The following ARHGAP19 variants were observed in gnomAD, a reference collection of about 807,000 sequenced individuals.
ARHGAP19 encodes the protein rho GTPase-activating protein 19.
In ARHGAP19, 48 loss-of-function variants were observed where a neutral mutation model predicts 60.9. That is an observed-to-expected ratio of 0.79 (90% CI 0.62 to 1.00). The LOEUF is 1.00. Ranked by LOEUF, ARHGAP19 falls within the 50% of genes least tolerant of loss-of-function variation. The probability of loss-of-function intolerance (pLI) is 0.00; values close to 1 mark genes in which losing one functional copy is unlikely to be tolerated. For synonymous variants in ARHGAP19, 209 were observed against 215.5 expected, an observed-to-expected ratio of 0.97 and a Z score of 0.27; for missense variants, 562 against 597.2, an observed-to-expected ratio of 0.94 and a Z score of 0.61.
At chr10:97,263,198 C>T (rs1484782982) in intron 4 of ARHGAP19, among the ~76,000 whole-genome samples, 1 of 152,156 alleles carries the variant, frequency 6.6e-6, no homozygotes, top group East Asian at 1.9e-4. Flanking sequence ...CTACCAGCTC[C>T]TTATCTCAAT....
At chr10:97,283,564 A>AT in intron 1 of ARHGAP19, among the ~76,000 whole-genome samples, 1 of 152,120 alleles carries the variant, frequency 6.6e-6, no homozygotes, top group East Asian at 1.9e-4. Flanking sequence ...AAAAAAAAAA[A>AT]AAATTGTATT....
intron 9 of ARHGAP19, among the ~76,000 whole-genome samples, chr10:97,231,349 T>C (rs1468955618): frequency 6.6e-6 from 1 of 152,120 alleles, no homozygotes; most frequent in Non-Finnish European, 1.5e-5. Flanking sequence ...AAGTATACAG[T>C]TCAATGGTAT....
At chr10:97,272,726 C>A (rs1842975689) in intron 1 of ARHGAP19, among the ~76,000 whole-genome samples, 1 of 151,924 alleles carries the variant, frequency 6.6e-6, no homozygotes. Context: ...TCTCTACGTT[C>A]CATAGTAATG....
At chr10:97,253,281 G>A (rs1842712154) in intron 6 of ARHGAP19, among the ~76,000 whole-genome samples, 1 of 151,932 alleles carries the variant, frequency 6.6e-6, no homozygotes, top group South Asian at 2.1e-4. Flanking sequence ...GAGAGGCTGA[G>A]GCAGGAGAAT....
At chr10:97,279,194 G>A (rs1221559006) in intron 1 of ARHGAP19, among the ~76,000 whole-genome samples, 2 of 152,262 alleles carry the variant, frequency 1.3e-5, no homozygotes, top group Admixed American at 1.3e-4. Context: ...AAAAAGAGAA[G>A]AGAAAACTAA....
chr10:97,278,970 T>C (rs771049376), intron 1 of ARHGAP19, among the ~76,000 whole-genome samples: 11 of 152,248 alleles, frequency 7.2e-5, no homozygotes, highest in Non-Finnish European at 1.6e-4. Context: ...ATATGAGCTA[T>C]ATTTAAAGTT....
intron 9 of ARHGAP19, among the ~76,000 whole-genome samples, chr10:97,234,085 G>A (rs1016183995): frequency 2.6e-5 from 4 of 151,992 alleles, no homozygotes; most frequent in East Asian, 1.9e-4. Flanking sequence ...TGGCCGACAT[G>A]GTGAAACCCC....
chr10:97,267,804 C>T (rs187314119), intron 1 of ARHGAP19, among the ~76,000 whole-genome samples: 35 of 152,314 alleles, frequency 2.3e-4, no homozygotes, highest in East Asian at 5.8e-4. Context: ...CCAGGGACTG[C>T]GCAAAGCAGC....
At position 97,288,010 on chromosome 10, in the gene ARHGAP19, C is replaced by T. The variant is rs182684536; in HGVS notation, c.56+4562G>A. On this transcript the variant is annotated intron_variant, in intron 1 of 11. Coordinates refer to ENST00000358531, the MANE Select transcript of ARHGAP19 (RefSeq NM_032900.6). ...CCAGGAGGTGGAGGTTGCGGTGAGC[C>T]AAGATCGTGCCATTGCATTCCAGCC... 3.7e-3 allele frequency among the ~76,000 whole-genome samples: 561 copies of T among 152,100 alleles called. 4 individuals are homozygous for T. The highest frequency in any genetic ancestry group is 0.013 in the African/African-American group (525 of 41,486).
chr10:97,230,303 G>A (rs1850983959), intron 9 of ARHGAP19, among the ~76,000 whole-genome samples: 1 of 152,132 alleles, frequency 6.6e-6, no homozygotes, highest in African/African-American at 2.4e-5. Flanking sequence ...GGGATACTTA[G>A]GCTGGCTCTT....
chr10:97,247,959 G>C (rs1272541891), intron 6 of ARHGAP19, among the ~76,000 whole-genome samples: 1 of 130,368 alleles, frequency 7.7e-6, no homozygotes, highest in African/African-American at 2.7e-5. Context: ...TTTTAATGTG[G>C]TTTTGACTTT....
chr10:97,288,591 GA>G (rs1843186071), intron 1 of ARHGAP19, among the ~76,000 whole-genome samples: 1 of 143,804 alleles, frequency 7.0e-6, no homozygotes, highest in Admixed American at 7.0e-5. Context: ...AAAAAAAAAA[GA>G]AAAAAAGAAC....
chr10:97,270,669 C>T, intron 1 of ARHGAP19: 8 of 1,546,200 alleles, frequency 5.2e-6, no homozygotes, highest in Non-Finnish European at 7.0e-6. Flanking sequence ...AAGCTTTCCC[C>T]TTGTTTGTTG....
At chr10:97,230,438 G>A (rs981599017) in intron 9 of ARHGAP19, among the ~76,000 whole-genome samples, 9 of 152,144 alleles carry the variant, frequency 5.9e-5, no homozygotes, top group Non-Finnish European at 1.2e-4. Flanking sequence ...TCACATGACT[G>A]TACTGACATT....
intron 1 of ARHGAP19, among the ~76,000 whole-genome samples, chr10:97,268,379 TCTGC>T (rs1234741039): frequency 7.9e-5 from 12 of 152,340 alleles, no homozygotes; most frequent in African/African-American, 2.6e-4. Flanking sequence ...TGTTCCAACC[TCTGC>T]CTGTTACTCA....
At position 97,236,479 on chromosome 10, in the gene ARHGAP19, G is replaced by T. The variant is rs1258709024; in HGVS notation, c.1186-1164C>A. Among the ~76,000 whole-genome samples the T allele has an allele frequency of 3.9e-5, 6 of 152,108 alleles. No individual in the cohort carries two copies. In the East Asian group the frequency reaches 7.7e-4, roughly 20 times the overall value. ...TAAGTATCCCTCCTGAATAAACTGG[G>T]ACAAGTAAAAAATGCATCTTTCCTG... On this transcript the variant is annotated intron_variant, in intron 8 of 11. Coordinates refer to ENST00000358531, the MANE Select transcript of ARHGAP19 (RefSeq NM_032900.6).
At chr10:97,292,382 G>C (rs1022676063) in intron 1 of ARHGAP19, among the ~76,000 whole-genome samples, 190 bp downstream of exon 1, 6 of 152,236 alleles carry the variant, frequency 3.9e-5, no homozygotes, top group African/African-American at 1.4e-4. Flanking sequence ...GGACCGAGCG[G>C]GGGGTTTGGC....
At chr10:97,254,611 T>G (rs549217230) in intron 6 of ARHGAP19, among the ~76,000 whole-genome samples, 1 of 152,104 alleles carries the variant, frequency 6.6e-6, no homozygotes, top group Non-Finnish European at 1.5e-5. Context: ...AAAAGCTTCA[T>G]GACAATGGAT....
intron 1 of ARHGAP19, among the ~76,000 whole-genome samples, chr10:97,273,861 AT>A (rs984029959): frequency 6.6e-6 from 1 of 152,152 alleles, no homozygotes; most frequent in Non-Finnish European, 1.5e-5. Context: ...TAATGGCTTT[AT>A]TTGTAATGGA....
Sources: allele counts gnomAD v4.1 joint callset (sites outside exome capture counted in the v4.1 genomes callset), GRCh38; gene constraint gnomAD v4.1.1; transcripts MANE v1.5; gene names NCBI Gene and HGNC (gene_info 2026-07-23, HGNC 2026-07-21).